Variants in CPS1 observed in about 807,000 individuals in gnomAD.
CPS1 encodes carbamoyl-phosphate synthase [ammonia], mitochondrial.
Under a neutral mutation model 174.6 loss-of-function variants are expected in CPS1, and 109 were observed. The observed-to-expected ratio is 0.62, with a 90% confidence interval of 0.53 to 0.73. The LOEUF is 0.73. Among genes scored for constraint, CPS1 ranks in the 30% least tolerant of loss-of-function variants. The probability of loss-of-function intolerance (pLI) is 0.00; values close to 1 mark genes in which losing one functional copy is unlikely to be tolerated. For missense variants in CPS1, 1,689 were observed against 1,821.9 expected (o/e 0.93, Z 1.33); for synonymous variants, 637 against 632.0 (o/e 1.01, Z -0.12).
At chr2:210,524,959 C>A (rs925039800) in intron 1 of CPS1, among the ~76,000 whole-genome samples, 1 of 151,980 alleles carries the variant, frequency 6.6e-6, no homozygotes, top group South Asian at 2.1e-4. Flanking sequence ...TTAGTTTTTA[C>A]AATCTCTATT....
chr2:210,501,767 G>A (rs1455956081), intron 1 of CPS1, among the ~76,000 whole-genome samples: 1 of 152,092 alleles, frequency 6.6e-6, no homozygotes, highest in African/African-American at 2.4e-5. Context: ...ACATCTTCCT[G>A]TCTTCTTCTG....
intron 1 of CPS1, among the ~76,000 whole-genome samples, chr2:210,481,148 T>C (rs1694559224): frequency 6.6e-6 from 1 of 152,124 alleles, no homozygotes; most frequent in South Asian, 2.1e-4. Flanking sequence ...CTTGGGAGAT[T>C]AAAAAAGATT....
intron 35 of CPS1, 120 bp from the exon 36 acceptor site, chr2:210,675,608 A>G: frequency 1.4e-6 from 1 of 716,304 alleles, no homozygotes; most frequent in Non-Finnish European, 2.6e-6. Flanking sequence ...GTCTCTATCC[A>G]TGGCACTATA....
At chr2:210,641,466 G>A (rs1700222436) in intron 24 of CPS1, among the ~76,000 whole-genome samples, 1 of 151,950 alleles carries the variant, frequency 6.6e-6, no homozygotes, top group African/African-American at 2.4e-5. Flanking sequence ...TGAGGGATCT[G>A]CACTTATGAA....
At chr2:210,603,889 T>A (rs1049117492) in intron 16 of CPS1, among the ~76,000 whole-genome samples, 1 of 151,800 alleles carries the variant, frequency 6.6e-6, no homozygotes, top group African/African-American at 2.4e-5. Context: ...GTCCCTAAAT[T>A]AACTTTTTAC....
At chr2:210,588,607 C>T (rs1160555194) in intron 7 of CPS1, among the ~76,000 whole-genome samples, 1 of 152,010 alleles carries the variant, frequency 6.6e-6, no homozygotes, top group Non-Finnish European at 1.5e-5. Flanking sequence ...AAAATTAAAC[C>T]TTAAAAATTC....
chr2:210,644,823 T>C (rs1391860054), intron 25 of CPS1, among the ~76,000 whole-genome samples: 1 of 150,710 alleles, frequency 6.6e-6, no homozygotes, highest in African/African-American at 2.5e-5. Context: ...CTATGGTAAG[T>C]TAGTGATATC....
In CPS1 at chr2:210,590,870, C is replaced by T. The variant is rs775920437; in HGVS notation, c.911C>T (p.Ala304Val). 3.8e-5 allele frequency: 61 copies of T among 1,611,050 alleles called. No individual in the cohort carries two copies. In the South Asian group the frequency reaches 6.0e-4, roughly 16 times the overall value. ...GGAAACTTAATAACAGGATTGGCTG[C>T]TGGTGCCAAAACCTACAAGATGTCC... is the stretch of plus-strand genomic sequence containing the variant. ...STGNLITGLA[A>V]GAKTYKMSMA... The change falls in exon 9 of 38, where the codon GCT (alanine) becomes GTT (valine). Residue 304 changes from alanine (A) to valine (V), a missense_variant. Physicochemically the swap from Ala to Val is moderately conservative, Grantham distance 64 (BLOSUM62 0). Transcript: ENST00000233072.
chr2:210,672,337 G>A (rs564537281), intron 34 of CPS1: 4 of 152,292 alleles, frequency 2.6e-5, no homozygotes, highest in South Asian at 2.1e-4. Context: ...GTATCAATTA[G>A]CAAGTGTTGG....
At chr2:210,617,093 A>G (rs566136712) in intron 21 of CPS1, among the ~76,000 whole-genome samples, 1 of 152,030 alleles carries the variant, frequency 6.6e-6, no homozygotes, top group East Asian at 1.9e-4. Context: ...ACTAATTTAC[A>G]TTTTTATCTC....
intron 4 of CPS1, among the ~76,000 whole-genome samples, chr2:210,578,837 G>A (rs372432922): frequency 1.3e-5 from 2 of 152,172 alleles, no homozygotes; most frequent in African/African-American, 4.8e-5. Context: ...AACAACCCAA[G>A]CTTTCCTTTT....
intron 1 of CPS1, among the ~76,000 whole-genome samples, chr2:210,510,780 A>G (rs1237395889): frequency 1.1e-4 from 17 of 152,250 alleles, no homozygotes; most frequent in Non-Finnish European, 2.1e-4. Flanking sequence ...ACATGAAAAA[A>G]TGCTCATCAT....
intron 24 of CPS1, among the ~76,000 whole-genome samples, chr2:210,641,657 T>A (rs1401256760): frequency 1.3e-5 from 2 of 152,210 alleles, no homozygotes; most frequent in Admixed American, 1.3e-4. Flanking sequence ...CCTTTTCAAA[T>A]TTTACCTATT....
intron 1 of CPS1, among the ~76,000 whole-genome samples, chr2:210,483,692 A>G (rs1694636502): frequency 6.6e-6 from 1 of 152,130 alleles, no homozygotes; most frequent in Admixed American, 6.5e-5. Context: ...CCAAGTCTGT[A>G]TTTCCCTCAC....
At chr2:210,542,822 A>G (rs531804657) in intron 1 of CPS1, among the ~76,000 whole-genome samples, 3 of 151,964 alleles carry the variant, frequency 2.0e-5, no homozygotes, top group Admixed American at 6.6e-5. Context: ...TGTTTTGTCT[A>G]TTTTTTAACA....
At chr2:210,606,970 T>C (rs1427479239) in intron 18 of CPS1, 29 bp downstream of exon 18, 1 of 1,591,368 alleles carries the variant, frequency 6.3e-7, no homozygotes, top group Non-Finnish European at 8.6e-7. Context: ...ACCATGGGTT[T>C]GCAGATTCTT....
chr2:210,653,637 A>T (rs919992632), intron 28 of CPS1, among the ~76,000 whole-genome samples: 42 of 152,160 alleles, frequency 2.8e-4, no homozygotes, highest in African/African-American at 8.9e-4. Context: ...GGTAGAAAGA[A>T]AGAAATATTC....
intron 21 of CPS1, among the ~76,000 whole-genome samples, chr2:210,621,713 A>G (rs1699535380): frequency 6.6e-6 from 1 of 152,110 alleles, no homozygotes; most frequent in Admixed American, 6.6e-5. Flanking sequence ...TCAAATAAAG[A>G]TGTCAAATGT....
Position 210,663,153 on chromosome 2 carries a change from G to A in CPS1, c.3958G>A (p.Asp1320Asn). Residue 1320 changes from aspartate to asparagine, a missense_variant, in exon 33 of 38, where the codon GAT becomes AAT. Asp to Asn is a conservative substitution (Grantham distance 23, BLOSUM62 1). Transcript: ENST00000233072. The part of the protein sequence containing the change: ...APMFSWPRLR[D>N]ADPILRCEMA... ...CATGTTTTCCTGGCCCCGGTTGAGG[G>A]ATGCTGACCCCATTCTGAGATGTGA... is the stretch of plus-strand genomic sequence containing the variant. 4 of 1,613,630 alleles carry A rather than the reference G, an allele frequency of 2.5e-6. No homozygotes were observed. Among genetic ancestry groups the A allele is most frequent in the African/African-American group, 1.3e-5 (1 of 74,848 alleles).
Sources: allele counts gnomAD v4.1 joint callset (sites outside exome capture counted in the v4.1 genomes callset), GRCh38; gene constraint gnomAD v4.1.1; transcripts MANE v1.5; gene names NCBI Gene and HGNC (gene_info 2026-07-23, HGNC 2026-07-21).